Variants in SMG1 observed in about 807,000 individuals in gnomAD.
The protein encoded by SMG1 is SMG1 nonsense mediated mRNA decay associated PI3K related kinase.
SMG1 carries 22 observed loss-of-function variants against 419.9 expected under a neutral mutation model. The ratio of observed to expected loss-of-function variants is 0.05; its 90% CI spans 0.04 to 0.07. The LOEUF is 0.07. Ranked by LOEUF, SMG1 falls within the 10% of genes least tolerant of loss-of-function variation. SMG1 has a pLI of 1.00. For missense variants in SMG1, 3,185 were observed against 4,342.0 expected, an observed-to-expected ratio of 0.73 and a Z score of 7.49; for synonymous variants, 1,538 against 1,553.5, an observed-to-expected ratio of 0.99 and a Z score of 0.23.
intron 6 of SMG1, among the ~76,000 whole-genome samples, chr16:18,887,078 T>C (rs2141762664): frequency 6.6e-6 from 1 of 152,254 alleles, no homozygotes; most frequent in East Asian, 1.9e-4. Flanking sequence ...CTCAACAAAG[T>C]GTGTGAGAAA....
chr16:18,867,218 G>A (rs1030999460), intron 22 of SMG1, among the ~76,000 whole-genome samples: 1 of 152,106 alleles, frequency 6.6e-6, no homozygotes, highest in African/African-American at 2.4e-5. Flanking sequence ...AATTACTCAA[G>A]CATTTGTCAT....
intron 56 of SMG1, among the ~76,000 whole-genome samples, chr16:18,818,208 C>G (rs746890546): frequency 1.3e-5 from 2 of 151,970 alleles, no homozygotes; most frequent in African/African-American, 2.4e-5. Flanking sequence ...CATGGTGAAA[C>G]CCCGTCTCTA....
chr16:18,855,001 G>A (rs757598482), intron 29 of SMG1, 97 bp from the exon 30 acceptor site: 2 of 939,692 alleles, frequency 2.1e-6, no homozygotes, highest in Non-Finnish European at 3.0e-6. Flanking sequence ...TCCCTCTTCT[G>A]CACCACCTCC....
chr16:18,862,278 GCCT>G (rs2035256842), intron 25 of SMG1, among the ~76,000 whole-genome samples: 3 of 151,896 alleles, frequency 2.0e-5, no homozygotes, highest in Admixed American at 6.6e-5. Context: ...TTTTTGAATG[GCCT>G]CCTCTTCTAT....
At position 18,869,954 on chromosome 16, in the gene SMG1, A is replaced by C. The variant is rs1447565007; in HGVS notation, c.2533T>G (p.Leu845Val). ...GGTGCTTTACTCATGTGACTTCTTA[A>C]TGCTAAAGAAATTTCTTGAATTTCT... ...HTEIQEISLA[L>V]RSHMSKAPSN... is the part of the protein sequence containing the mutation. The change falls in exon 19 of 63, where the codon TTA becomes GTA. Residue 845 changes from leucine to valine, a missense_variant. By Grantham distance (32) the Leu-to-Val change is conservative (BLOSUM62 1). This residue lies in a region of SMG1 where 297 missense variants were observed against 491.0 expected (regional missense o/e 0.60). Coordinates refer to ENST00000446231, the MANE Select transcript of SMG1 (RefSeq NM_015092.5). 1.3e-6 allele frequency: 2 copies of C among 1,531,556 alleles called. No homozygotes were observed. The highest frequency in any genetic ancestry group is 1.8e-6 in the Non-Finnish European group (2 of 1,135,728). The allele number at this position is 1,531,556 out of a possible 1,614,324, so 94.9% of individuals were successfully genotyped here.
intron 40 of SMG1, 117 bp downstream of exon 40, chr16:18,842,091 A>G: frequency 8.7e-7 from 1 of 1,148,682 alleles, no homozygotes; most frequent in South Asian, 1.6e-5. Context: ...ACTGCAGGCT[A>G]ATAATGACAT....
At chr16:18,828,206 A>G (rs2032894414) in intron 54 of SMG1, 38 bp from the exon 55 acceptor site, 3 of 1,598,490 alleles carry the variant, frequency 1.9e-6, no homozygotes, top group Non-Finnish European at 2.6e-6. Context: ...AATCAGCAGG[A>G]AAAAAGCGTT....
At chr16:18,819,751 C>A (rs1460538992) in intron 55 of SMG1, 97 bp from the exon 56 acceptor site, 3 of 1,202,078 alleles carry the variant, frequency 2.5e-6, no homozygotes, top group East Asian at 2.8e-5. Context: ...TCAAAAGAAC[C>A]AGGGTGGACA....
chr16:18,853,969 C>T, intron 30 of SMG1, 102 bp from the exon 31 acceptor site: 2 of 1,079,696 alleles, frequency 1.9e-6, no homozygotes, highest in South Asian at 1.7e-5. Context: ...ATGACACCAC[C>T]ATGTTGATGG....
At chr16:18,875,972 C>A in intron 13 of SMG1, 152 bp downstream of exon 13, 3 of 767,650 alleles carry the variant, frequency 3.9e-6, no homozygotes, top group Non-Finnish European at 4.2e-6. Context: ...ACATTCCTAC[C>A]AATTTTATTT....
At chr16:18,906,451 C>G (rs1320904108) in intron 1 of SMG1, among the ~76,000 whole-genome samples, 3 of 152,032 alleles carry the variant, frequency 2.0e-5, no homozygotes, top group Admixed American at 2.0e-4. Flanking sequence ...CCACTGCAAT[C>G]CAGAGCCTGG....
At chr16:18,895,046 T>C (rs1342407725) in intron 3 of SMG1, among the ~76,000 whole-genome samples, 2 of 151,904 alleles carry the variant, frequency 1.3e-5, no homozygotes, top group African/African-American at 4.8e-5. Flanking sequence ...CTCGATCTCC[T>C]GACCTCGTGA....
chr16:18,808,700 C>T lies in SMG1; in HGVS notation c.*869G>A, dbSNP rs1051288457. ...CACAGTGACAATTCTGGAAACTGTA[C>T]ATGATAGAATCACAGAAATGACTTA... On this transcript the variant is annotated 3_prime_UTR_variant, in exon 63 of 63. Coordinates refer to ENST00000446231, the MANE Select transcript of SMG1 (RefSeq NM_015092.5). The T allele has an allele frequency of 5.9e-5, 9 of 152,606 alleles. No individual in the cohort carries two copies. Among genetic ancestry groups the T allele is most frequent in the African/African-American group, 2.2e-4 (9 of 41,430 alleles). 9.5% of individuals were successfully genotyped at this position (152,606 alleles called of 1,614,324 possible). A position where few individuals can be genotyped will look rare whatever the true frequency, so the allele number is the denominator to read the frequency against.
chr16:18,900,758 G>T (rs2037314648), intron 1 of SMG1, among the ~76,000 whole-genome samples: 1 of 152,170 alleles, frequency 6.6e-6, no homozygotes, highest in Admixed American at 6.5e-5. Context: ...CTCTAAAGTA[G>T]CAAAGATAGT....
At chr16:18,921,591 T>C (rs938941955) in intron 1 of SMG1, among the ~76,000 whole-genome samples, 1 of 152,100 alleles carries the variant, frequency 6.6e-6, no homozygotes, top group Non-Finnish European at 1.5e-5. Flanking sequence ...ATTGCGGTTT[T>C]TGCCAAAACC....
intron 9 of SMG1, among the ~76,000 whole-genome samples, chr16:18,883,780 A>G (rs1293165385): frequency 3.3e-5 from 5 of 152,048 alleles, no homozygotes; most frequent in South Asian, 2.1e-4. Context: ...TTAGCTGGGC[A>G]TGGTGGCGGG....
At chr16:18,861,354 T>C (rs1308623568) in intron 25 of SMG1, 2 of 152,388 alleles carry the variant, frequency 1.3e-5, no homozygotes, top group Non-Finnish European at 2.9e-5. Flanking sequence ...TTTCCTGTAG[T>C]CCTGCAGCAT....
chr16:18,851,980 A>G (rs2034629524), intron 33 of SMG1, 87 bp downstream of exon 33: 1 of 1,353,888 alleles, frequency 7.4e-7, no homozygotes, highest in Non-Finnish European at 1.0e-6. Flanking sequence ...AGCCCCATTC[A>G]GTATTTTATC....
At chr16:18,872,036 T>C (rs2035851420) in intron 15 of SMG1, 148 bp downstream of exon 15, 2 of 442,936 alleles carry the variant, frequency 4.5e-6, no homozygotes, top group Non-Finnish European at 4.1e-6. Context: ...AACCAAATTA[T>C]AAGGTGTTTG....
Sources: gnomAD v4.1 joint callset for allele counts (sites outside exome capture counted in the v4.1 genomes callset) on GRCh38, gnomAD v4.1.1 for gene constraint, gnomAD v4.1.1 regional missense constraint, MANE v1.5 for transcripts, NCBI Gene and HGNC (gene_info 2026-07-23, HGNC 2026-07-21) for gene names.